Variants in ASAH1 observed in about 807,000 individuals in gnomAD.
ASAH1 encodes the protein acid ceramidase.
Under a neutral mutation model 59.5 loss-of-function variants are expected in ASAH1, and 70 were observed. That is an observed-to-expected ratio of 1.18 (90% CI 0.97 to 1.43). The LOEUF (loss-of-function observed/expected upper bound fraction) is 1.43, where lower values mean the gene tolerates loss of function less well. Among genes scored for constraint, ASAH1 ranks in the 40% most tolerant of loss-of-function variants. ASAH1 has a pLI of 0.00. For missense variants in ASAH1, 660 were observed against 482.5 expected, an observed-to-expected ratio of 1.37 and a Z score of -3.45; for synonymous variants, 213 against 166.5, an observed-to-expected ratio of 1.28 and a Z score of -2.15.
At chr8:18,067,078 T>G (rs1337539255) in intron 5 of ASAH1, 142 bp downstream of exon 5, 4 of 203,594 alleles carry the variant, frequency 2.0e-5, no homozygotes, top group South Asian at 5.6e-5. Context: ...GAAGCTTCAC[T>G]GAGCTGTATA....
At position 18,067,251 on chromosome 8, in the gene ASAH1, C is replaced by G; in HGVS notation, c.351G>C (p.Lys117Asn). The change falls in exon 5 of 14, where the codon AAG (lysine) becomes AAC (asparagine). Residue 117 changes from lysine to asparagine, a missense_variant. By Grantham distance (94) the Lys-to-Asn change is moderately conservative. Coordinates refer to ENST00000637790, the MANE Select transcript of ASAH1 (RefSeq NM_177924.5). The part of the protein sequence containing the change: ...NFPGPFEEEM[K>N]GIAAVTDIPL... ...GTATATCAGTAACAGCGGCAATACCCTTCATTTCCTCTTCAAAAGGGCCAG... is the reference window on the plus strand; with the variant it reads ...GTATATCAGTAACAGCGGCAATACCGTTCATTTCCTCTTCAAAAGGGCCAG... 1 of 1,597,230 alleles carries G rather than the reference C, an allele frequency of 6.3e-7. No homozygotes were observed. The highest frequency in any genetic ancestry group is 1.1e-5 in the South Asian group (1 of 89,304).
At chr8:18,070,567 C>T (rs1800127761) in intron 3 of ASAH1, among the ~76,000 whole-genome samples, 1 of 152,220 alleles carries the variant, frequency 6.6e-6, no homozygotes, top group Non-Finnish European at 1.5e-5. Context: ...TGATTACAGG[C>T]ATGAGCCACC....
At chr8:18,067,382 G>T in intron 4 of ASAH1, 84 bp from the exon 5 acceptor site, 1 of 875,570 alleles carries the variant, frequency 1.1e-6, no homozygotes, top group Non-Finnish European at 1.5e-6. Context: ...TATAATAAAA[G>T]CATGCTTTGA....
rs764463279 is a variant in ASAH1 at position 18,057,602 on chromosome 8, T to C, written c.1120A>G (p.Ile374Val). ...LNKLTVYTTL[I>V]DVTKGQFETY... is the part of the protein sequence containing the mutation. ...TCGAATTGACCTTTGGTAACATCTA[T>C]CAAGGTTGTGTATACGGTCAGCTGA... Residue 374 changes from isoleucine (I) to valine (V), a missense_variant, in exon 14 of 14, where the codon ATA (isoleucine) becomes GTA (valine). By Grantham distance (29) the Ile-to-Val change is conservative. Transcript: ENST00000637790. The C allele has an allele frequency of 3.7e-6, 6 of 1,603,700 alleles. No homozygotes were observed. In the Admixed American group the frequency reaches 1.0e-4, roughly 27 times the overall value.
intron 1 of ASAH1, chr8:18,083,082 G>C (rs1366637490): frequency 2.0e-5 from 3 of 152,062 alleles, no homozygotes; most frequent in Admixed American, 2.0e-4. Flanking sequence ...AGGTATAAAA[G>C]AAGACAATGC....
intron 10 of ASAH1, chr8:18,060,308 A>C (rs1317456999): frequency 2.6e-5 from 4 of 154,344 alleles, no homozygotes; most frequent in Non-Finnish European, 5.7e-5. Context: ...TGTTTTCTAA[A>C]AAAGGATGGT....
Position 18,084,073 on chromosome 8 carries a change from A to G in ASAH1, c.-15T>C. On this transcript the variant is annotated 5_prime_UTR_variant, in exon 1 of 14. Coordinates refer to ENST00000637790, the MANE Select transcript of ASAH1 (RefSeq NM_177924.5). ...CGGCCCGGCATCGCTCTAGCAGCCA[A>G]CGCCACTCCCCGGACTCCAGCAGAG... 2 of 1,598,338 alleles carry G rather than the reference A, an allele frequency of 1.3e-6. No individual in the cohort carries two copies. Among genetic ancestry groups the G allele is most frequent in the Non-Finnish European group, 1.7e-6 (2 of 1,179,618 alleles).
chr8:18,057,443 T>A lies in ASAH1; in HGVS notation c.*91A>T. ...AAAGAGAACCTGCCGCGAGTCTTAGTCTTTGGAAGGTCAGACAGCTGCAGT... is the reference window on the plus strand; with the variant it reads ...AAAGAGAACCTGCCGCGAGTCTTAGACTTTGGAAGGTCAGACAGCTGCAGT... On this transcript the variant is annotated 3_prime_UTR_variant, in exon 14 of 14. Transcript: ENST00000637790. 1 of 1,012,808 alleles carries A rather than the reference T, an allele frequency of 9.9e-7. No homozygotes were observed. Among genetic ancestry groups the A allele is most frequent in the Non-Finnish European group, 1.5e-6 (1 of 661,406 alleles). The allele number at this position is 1,012,808 out of a possible 1,614,324, so 62.7% of individuals were successfully genotyped here.
chr8:18,072,837 T>G (rs762553652), intron 2 of ASAH1, among the ~76,000 whole-genome samples: 1 of 152,190 alleles, frequency 6.6e-6, no homozygotes, highest in Non-Finnish European at 1.5e-5. Context: ...CTCAGTGGCC[T>G]GTTGGAGATA....
At chr8:18,080,853 C>T (rs1385381610) in intron 1 of ASAH1, among the ~76,000 whole-genome samples, 1 of 152,172 alleles carries the variant, frequency 6.6e-6, no homozygotes. Context: ...CCACCGCGCC[C>T]GGCCTGTCCT....
chr8:18,064,003 G>A (rs1487156355), intron 6 of ASAH1: 1 of 230,890 alleles, frequency 4.3e-6, no homozygotes, highest in Admixed American at 5.1e-5. Context: ...TTTGTACTCT[G>A]GGAACCAGTC....
In ASAH1 at chr8:18,057,615, T is replaced by C. The variant is rs781019071; in HGVS notation, c.1107A>G (p.Val369=). The change falls in exon 14 of 14, where the codon GTA becomes GTG. Residue 369 remains valine (V), a synonymous_variant. Coordinates refer to ENST00000637790, the MANE Select transcript of ASAH1 (RefSeq NM_177924.5). ...TGGTAACATCTATCAAGGTTGTGTA[T>C]ACGGTCAGCTGAAAGAAAAGTTATT... The part of the protein sequence containing the change: ...STKPVLNKLT[V]YTTLIDVTKG... 3 of 1,600,772 alleles carry C rather than the reference T, an allele frequency of 1.9e-6. No homozygotes were observed. The highest frequency in any genetic ancestry group is 2.7e-5 in the African/African-American group (2 of 74,626).
At chr8:18,075,675 C>T in intron 1 of ASAH1, 88 bp from the exon 2 acceptor site, 1 of 1,225,894 alleles carries the variant, frequency 8.2e-7, no homozygotes, top group Non-Finnish European at 1.2e-6. Flanking sequence ...TCTGTGAAGA[C>T]AACATCAAGT....
At chr8:18,074,399 T>C (rs1800302941) in intron 2 of ASAH1, among the ~76,000 whole-genome samples, 1 of 152,034 alleles carries the variant, frequency 6.6e-6, no homozygotes, top group African/African-American at 2.4e-5. Flanking sequence ...AGAACTTAGT[T>C]TATTACAGTT....
At chr8:18,083,268 G>A (rs995031798) in intron 1 of ASAH1, 3 of 152,298 alleles carry the variant, frequency 2.0e-5, no homozygotes, top group Non-Finnish European at 4.4e-5. Context: ...AAGAGGCTCG[G>A]ACGTTACGCA....
chr8:18,072,991 G>A (rs886851150), intron 2 of ASAH1, among the ~76,000 whole-genome samples: 4 of 152,066 alleles, frequency 2.6e-5, no homozygotes, highest in Admixed American at 2.0e-4. Context: ...TCTCAGAGAC[G>A]CGATGAGAGG....
At chr8:18,070,140 C>T (rs2117057552) in intron 3 of ASAH1, among the ~76,000 whole-genome samples, 1 of 148,406 alleles carries the variant, frequency 6.7e-6, no homozygotes, top group South Asian at 2.2e-4. Flanking sequence ...ATCACCATTC[C>T]CAGCTAATTT....
chr8:18,080,676 G>C (rs1800615616), intron 1 of ASAH1, among the ~76,000 whole-genome samples: 1 of 152,154 alleles, frequency 6.6e-6, no homozygotes, highest in African/African-American at 2.4e-5. Flanking sequence ...TCCCGCCTCA[G>C]CCTCCTGAGT....
At chr8:18,078,544 G>C (rs1216119146) in intron 1 of ASAH1, among the ~76,000 whole-genome samples, 3 of 152,148 alleles carry the variant, frequency 2.0e-5, no homozygotes, top group African/African-American at 7.2e-5. Flanking sequence ...GTTAGTTTTA[G>C]GGGTAGGGTG....
Sources: gnomAD v4.1 joint callset for allele counts (sites outside exome capture counted in the v4.1 genomes callset) on GRCh38, gnomAD v4.1.1 for gene constraint, MANE v1.5 for transcripts, NCBI Gene and HGNC (gene_info 2026-07-23, HGNC 2026-07-21) for gene names.